Variants in RABGAP1L observed in about 807,000 individuals in gnomAD.
RABGAP1L encodes rab GTPase-activating protein 1-like.
In RABGAP1L, 63 loss-of-function variants were observed where a neutral mutation model predicts 137.7. The observed-to-expected ratio is 0.46, with a 90% confidence interval of 0.37 to 0.56. The LOEUF (loss-of-function observed/expected upper bound fraction) is 0.56. RABGAP1L is among the 20% of genes least tolerant of loss of function. The pLI is 0.00. For missense variants in RABGAP1L, 1,095 were observed against 1,244.0 expected (o/e 0.88, Z 1.80); for synonymous variants, 431 against 433.7 (o/e 0.99, Z 0.08).
At chr1:174,454,030 C>T (rs1005724335) in intron 13 of RABGAP1L, among the ~76,000 whole-genome samples, 2 of 152,018 alleles carry the variant, frequency 1.3e-5, no homozygotes, top group African/African-American at 4.8e-5. Flanking sequence ...TTTGGGAGGC[C>T]GAGGCGGGCA....
chr1:174,230,411 A>T (rs1670548830), intron 3 of RABGAP1L, among the ~76,000 whole-genome samples: 1 of 151,788 alleles, frequency 6.6e-6, no homozygotes, highest in South Asian at 2.1e-4. Context: ...AAAAAGAATA[A>T]AAAAAAAGGA....
intron 13 of RABGAP1L, among the ~76,000 whole-genome samples, chr1:174,422,767 G>A (rs1029984052): frequency 6.6e-6 from 1 of 151,900 alleles, no homozygotes; most frequent in African/African-American, 2.4e-5. Flanking sequence ...GGCCAACATG[G>A]TGAAACTCTG....
chr1:174,435,981 G>A (rs1653241019), intron 13 of RABGAP1L, among the ~76,000 whole-genome samples: 1 of 152,106 alleles, frequency 6.6e-6, no homozygotes, highest in African/African-American at 2.4e-5. Context: ...CAAAGGACAT[G>A]AACTCATCAT....
chr1:174,689,923 A>G (rs1678756679), intron 15 of RABGAP1L, among the ~76,000 whole-genome samples: 2 of 152,190 alleles, frequency 1.3e-5, no homozygotes, highest in Non-Finnish European at 1.5e-5. Context: ...TATACTTACT[A>G]CAAGATTTTT....
At chr1:174,169,112 A>G (rs528871057) in intron 1 of RABGAP1L, among the ~76,000 whole-genome samples, 3 of 152,350 alleles carry the variant, frequency 2.0e-5, no homozygotes, top group Admixed American at 2.0e-4. Flanking sequence ...CATGCATTTT[A>G]TAGTTCTTGT....
chr1:174,972,169 G>T (rs920923851), intron 21 of RABGAP1L, among the ~76,000 whole-genome samples: 2 of 152,174 alleles, frequency 1.3e-5, no homozygotes, highest in African/African-American at 4.8e-5. Context: ...TTCCCTATTT[G>T]CAAGGAACAA....
At chr1:174,434,108 T>TACACACATACAC (rs1652966720) in intron 13 of RABGAP1L, among the ~76,000 whole-genome samples, 1 of 134,050 alleles carries the variant, frequency 7.5e-6, no homozygotes, top group South Asian at 2.5e-4. Context: ...CGTGTACACA[T>TACACACATACAC]ACACACACAC....
At chr1:174,830,748 A>G (rs1163377957) in intron 19 of RABGAP1L, among the ~76,000 whole-genome samples, 2 of 148,440 alleles carry the variant, frequency 1.3e-5, no homozygotes, top group Admixed American at 1.3e-4. Context: ...AAGTGCTGGG[A>G]TTACAGGCAT....
chr1:174,614,024 G>T (rs1206469496), intron 13 of RABGAP1L, among the ~76,000 whole-genome samples: 1 of 152,158 alleles, frequency 6.6e-6, no homozygotes, highest in Non-Finnish European at 1.5e-5. Context: ...TTGCCAGTCT[G>T]TGTCTTTTAA....
intron 13 of RABGAP1L, among the ~76,000 whole-genome samples, chr1:174,544,483 A>G (rs1665812141): frequency 6.6e-6 from 1 of 152,116 alleles, no homozygotes; most frequent in Non-Finnish European, 1.5e-5. Context: ...TCTTTATTCT[A>G]GTTAGCCATT....
At chr1:174,297,319 G>C (rs1687070128) in intron 10 of RABGAP1L, among the ~76,000 whole-genome samples, 1 of 152,154 alleles carries the variant, frequency 6.6e-6, no homozygotes. Flanking sequence ...TGAAGGGTGA[G>C]TAAAGCAGGA....
At chr1:174,985,247 GC>G (rs36119633) in intron 24 of RABGAP1L, among the ~76,000 whole-genome samples, 2 of 152,156 alleles carry the variant, frequency 1.3e-5, no homozygotes, top group African/African-American at 4.8e-5. Flanking sequence ...ACAAAAATTA[GC>G]CGGATGTGGT....
intron 18 of RABGAP1L, among the ~76,000 whole-genome samples, chr1:174,768,868 G>T (rs1419281596): frequency 3.3e-5 from 5 of 152,164 alleles, no homozygotes; most frequent in Non-Finnish European, 7.3e-5. Flanking sequence ...CAAGAATCTC[G>T]AGTTGCTGCA....
intron 11 of RABGAP1L, among the ~76,000 whole-genome samples, chr1:174,341,037 TGTTA>T (rs1198058034): frequency 2.0e-5 from 3 of 152,158 alleles, no homozygotes; most frequent in African/African-American, 7.2e-5. Flanking sequence ...TTTTTTTTCA[TGTTA>T]GTTGGCTGCA....
At chr1:174,752,179 C>A (rs929536405) in intron 17 of RABGAP1L, 134 bp from the exon 18 acceptor site, 1 of 675,372 alleles carries the variant, frequency 1.5e-6, no homozygotes, top group Non-Finnish European at 2.4e-6. Context: ...TAAAAAAAAA[C>A]TCATGGTTTA....
At chr1:174,628,855 T>C (rs919170804) in intron 13 of RABGAP1L, among the ~76,000 whole-genome samples, 2 of 152,198 alleles carry the variant, frequency 1.3e-5, no homozygotes, top group African/African-American at 4.8e-5. Flanking sequence ...AGCCCGTGCA[T>C]ATATGGGAAT....
chr1:174,604,420 TA>T (rs960560234), intron 13 of RABGAP1L, among the ~76,000 whole-genome samples: 12 of 152,218 alleles, frequency 7.9e-5, no homozygotes, highest in African/African-American at 2.9e-4. Flanking sequence ...TGCTAGGGGA[TA>T]GAGGTGATGT....
intron 18 of RABGAP1L, among the ~76,000 whole-genome samples, chr1:174,767,358 AT>A (rs1006063256): frequency 2.0e-5 from 3 of 151,926 alleles, no homozygotes; most frequent in Non-Finnish European, 2.9e-5. Flanking sequence ...GTCTTATTTA[AT>A]TTTTTTTGAT....
chr1:174,296,457 A>G (rs1261936447), intron 10 of RABGAP1L, among the ~76,000 whole-genome samples: 3 of 152,240 alleles, frequency 2.0e-5, no homozygotes, highest in African/African-American at 7.2e-5. Flanking sequence ...CTGAATGAAC[A>G]TTCCATTAAA....
Sources: gnomAD v4.1 joint callset for allele counts (sites outside exome capture counted in the v4.1 genomes callset) on GRCh38, gnomAD v4.1.1 for gene constraint, MANE v1.5 for transcripts, NCBI Gene and HGNC (gene_info 2026-07-23, HGNC 2026-07-21) for gene names.